Variants in TNS3 observed in about 807,000 individuals in gnomAD.
The protein encoded by TNS3 is tensin-3.
Under a neutral mutation model 140.9 loss-of-function variants are expected in TNS3, and 45 were observed. That is an observed-to-expected ratio of 0.32 (90% CI 0.25 to 0.41). The LOEUF is 0.41. Ranked by LOEUF, TNS3 falls within the 10% of genes least tolerant of loss-of-function variation. TNS3 has a pLI of 1.00. For synonymous variants in TNS3, 815 were observed against 788.4 expected, an observed-to-expected ratio of 1.03 and a Z score of -0.56; for missense variants, 1,716 against 1,906.7, an observed-to-expected ratio of 0.90 and a Z score of 1.86.
At chr7:47,435,901 T>C (rs1287713030) in intron 7 of TNS3, among the ~76,000 whole-genome samples, 1 of 152,188 alleles carries the variant, frequency 6.6e-6, no homozygotes, top group East Asian at 1.9e-4. Context: ...AGTTTGGTGC[T>C]TGGACAAAGA....
intron 23 of TNS3, among the ~76,000 whole-genome samples, chr7:47,301,261 G>C (rs1786384171): frequency 6.6e-6 from 1 of 152,090 alleles, no homozygotes; most frequent in African/African-American, 2.4e-5. Flanking sequence ...GATTCACTTT[G>C]GTTCCTAGGA....
chr7:47,301,336 T>C (rs914653692), intron 23 of TNS3, among the ~76,000 whole-genome samples: 28 of 152,024 alleles, frequency 1.8e-4, no homozygotes, highest in Non-Finnish European at 7.4e-5. Context: ...TCACACACCA[T>C]CTCTTCTGAG....
rs1791536843 is a variant in TNS3, at chr7:47,378,411, C to T, written c.1025-8790G>A. ...TTAAAAAAACGTATTCAGAAGTTCC[C>T]TAAGTCATTTTTTGATATGACTGAA... On this transcript the variant is annotated intron_variant, in intron 16 of 30. Transcript: ENST00000311160. 2.6e-5 allele frequency among the ~76,000 whole-genome samples: 4 copies of T among 152,324 alleles called. No individual in the cohort carries two copies. The South Asian group carries it at 6.2e-4, about 24-fold the overall frequency.
intron 2 of TNS3, among the ~76,000 whole-genome samples, chr7:47,517,115 G>A (rs1798804193): frequency 6.6e-6 from 1 of 152,178 alleles, no homozygotes; most frequent in African/African-American, 2.4e-5. Flanking sequence ...AATTCAGCCT[G>A]GTGTACTTAC....
At chr7:47,319,841 T>C (rs552587328) in intron 20 of TNS3, among the ~76,000 whole-genome samples, 21 of 152,312 alleles carry the variant, frequency 1.4e-4, no homozygotes, top group Middle Eastern at 3.4e-3. Flanking sequence ...TTTCAGAAAC[T>C]GGAAGACTGC....
At chr7:47,283,932 C>T (rs1251754595) in intron 27 of TNS3, 67 bp from the exon 28 acceptor site, 1 of 1,412,008 alleles carries the variant, frequency 7.1e-7, no homozygotes, top group Non-Finnish European at 9.4e-7. Flanking sequence ...TGTTAACACA[C>T]AGGCAGTTGC....
chr7:47,334,392 A>G (rs1314765499), intron 20 of TNS3, among the ~76,000 whole-genome samples: 1 of 152,202 alleles, frequency 6.6e-6, no homozygotes, highest in Non-Finnish European at 1.5e-5. Flanking sequence ...ACTGAAGCCT[A>G]AAGTCCCCAA....
intron 15 of TNS3, among the ~76,000 whole-genome samples, chr7:47,397,576 C>T (rs1792909434): frequency 6.6e-6 from 1 of 152,076 alleles, no homozygotes; most frequent in South Asian, 2.1e-4. Context: ...TTTTAAAATG[C>T]TGGTTACTTT....
intron 2 of TNS3, among the ~76,000 whole-genome samples, chr7:47,508,605 A>G (rs1291159728): frequency 6.6e-6 from 1 of 152,200 alleles, no homozygotes; most frequent in Admixed American, 6.5e-5. Flanking sequence ...GGACCACGAC[A>G]TCATGCAGCG....
intron 10 of TNS3, among the ~76,000 whole-genome samples, chr7:47,419,162 C>CA (rs1794240870): frequency 6.6e-6 from 1 of 152,226 alleles, no homozygotes; most frequent in South Asian, 2.1e-4. Context: ...ACATAAGGGT[C>CA]AGAGTAGACC....
chr7:47,415,670 G>A (rs1794041183), intron 10 of TNS3, among the ~76,000 whole-genome samples: 1 of 152,210 alleles, frequency 6.6e-6, no homozygotes, highest in South Asian at 2.1e-4. Flanking sequence ...ATACTCGAGA[G>A]CCCTAAGAAA....
chr7:47,297,335 G>C (rs1304470382), intron 23 of TNS3, 122 bp from the exon 24 acceptor site: 6 of 1,214,160 alleles, frequency 4.9e-6, no homozygotes, highest in African/African-American at 1.5e-5. Context: ...GTGGGGACCT[G>C]GCCGGGATCC....
intron 4 of TNS3, among the ~76,000 whole-genome samples, chr7:47,460,946 T>C (rs1584711147): frequency 6.6e-6 from 1 of 152,226 alleles, no homozygotes; most frequent in Non-Finnish European, 1.5e-5. Flanking sequence ...ATGTGCATCA[T>C]ATACCTTAAC....
chr7:47,389,078 GA>G (rs1792307888), intron 16 of TNS3, among the ~76,000 whole-genome samples: 4 of 68,146 alleles, frequency 5.9e-5, no homozygotes, highest in East Asian at 1.3e-3. Context: ...AGAAGAAGAA[GA>G]AGAAGAGGAA....
intron 26 of TNS3, among the ~76,000 whole-genome samples, chr7:47,292,453 G>A (rs1211292067): frequency 6.6e-6 from 1 of 152,160 alleles, no homozygotes; most frequent in Non-Finnish European, 1.5e-5. Context: ...AAAGAACAGT[G>A]CATCCATCAT....
Position 47,276,906 on chromosome 7 carries a change from G to A in TNS3, c.*1170C>T, listed in dbSNP as rs936888863. 2 of 152,184 alleles carry A rather than the reference G, an allele frequency of 1.3e-5. No homozygotes were observed. Among genetic ancestry groups the A allele is most frequent in the Non-Finnish European group, 2.9e-5 (2 of 68,038 alleles). 9.4% of individuals were successfully genotyped at this position (152,184 alleles called of 1,614,324 possible). A position where few individuals can be genotyped will look rare whatever the true frequency, so the allele number is the denominator to read the frequency against. On this transcript the variant is annotated 3_prime_UTR_variant, in exon 31 of 31. Coordinates refer to ENST00000311160, the MANE Select transcript of TNS3 (RefSeq NM_022748.12). ...AGCAGCACAAAGAGGGCTGATAAAT[G>A]CAGGCGAACTTCAGGTCGTGCAGCT... is the stretch of plus-strand genomic sequence containing the variant.
intron 3 of TNS3, among the ~76,000 whole-genome samples, chr7:47,493,111 G>A (rs1299531174): frequency 6.6e-6 from 1 of 152,230 alleles, no homozygotes; most frequent in Non-Finnish European, 1.5e-5. Flanking sequence ...CTAGGGAGGG[G>A]ATGCCCAGAT....
intron 27 of TNS3, among the ~76,000 whole-genome samples, chr7:47,287,064 T>G (rs904675466): frequency 6.6e-5 from 10 of 151,804 alleles, no homozygotes. Context: ...CCTTTTCTTT[T>G]ATTTTCCATT....
intron 17 of TNS3, among the ~76,000 whole-genome samples, chr7:47,366,230 T>C (rs906017941): frequency 3.9e-5 from 6 of 152,180 alleles, no homozygotes; most frequent in African/African-American, 1.4e-4. Flanking sequence ...CCTGGACCTA[T>C]TGTTCAGGGA....
Sources: gnomAD v4.1 joint callset for allele counts (sites outside exome capture counted in the v4.1 genomes callset) on GRCh38, gnomAD v4.1.1 for gene constraint, MANE v1.5 for transcripts, NCBI Gene and HGNC (gene_info 2026-07-23, HGNC 2026-07-21) for gene names.